The following PTPRH variants were observed in gnomAD, a reference collection of about 807,000 sequenced individuals.
The protein encoded by PTPRH is receptor-type tyrosine-protein phosphatase H.
Under a neutral mutation model 130.2 loss-of-function variants are expected in PTPRH, and 113 were observed. That is an observed-to-expected ratio of 0.87 (90% CI 0.75 to 1.01). The LOEUF (loss-of-function observed/expected upper bound fraction) is 1.01, where lower values mean the gene tolerates loss of function less well. Among genes scored for constraint, PTPRH ranks in the 50% least tolerant of loss-of-function variants. The pLI is 0.00. For missense variants in PTPRH, 1,430 were observed against 1,425.0 expected (o/e 1.00, Z -0.06); for synonymous variants, 556 against 577.9 (o/e 0.96, Z 0.54).
At chr19:55,204,172 T>G (rs531327940) in intron 4 of PTPRH, 124 bp from the exon 5 acceptor site, 2 of 1,112,594 alleles carry the variant, frequency 1.8e-6, no homozygotes, top group South Asian at 3.3e-5. Flanking sequence ...CAGGCTGGAG[T>G]GCAGTGGCAC....
intron 5 of PTPRH, 42 bp downstream of exon 5, chr19:55,203,740 C>A (rs756993637): frequency 1.9e-6 from 3 of 1,568,430 alleles, no homozygotes; most frequent in Admixed American, 3.5e-5. Context: ...CTACCACTGT[C>A]CTTATAAAAG....
At position 55,191,749 on chromosome 19, in the gene PTPRH, G is replaced by A; in HGVS notation, c.2258-8C>T. ...AGGCTCCGGCAATGACCCCTGTGGG[G>A]AGGAGGCATCGGGAACCCTCAGAGC... On this transcript the variant is annotated splice_region_variant and splice_polypyrimidine_tract_variant and intron_variant, in intron 10 of 19. Transcript: ENST00000376350. 1 of 1,612,116 alleles carries A rather than the reference G, an allele frequency of 6.2e-7. No individual in the cohort carries two copies. The highest frequency in any genetic ancestry group is 8.5e-7 in the Non-Finnish European group (1 of 1,178,318).
intron 1 of PTPRH, among the ~76,000 whole-genome samples, chr19:55,207,776 A>G (rs35330719): frequency 9.3e-5 from 2 of 21,610 alleles, no homozygotes; most frequent in Non-Finnish European, 1.5e-4. Flanking sequence ...TGGACTCCTG[A>G]GTCTGAGGGA....
chr19:55,192,915 A>C (rs2086583613), intron 10 of PTPRH, among the ~76,000 whole-genome samples: 1 of 151,482 alleles, frequency 6.6e-6, no homozygotes, highest in South Asian at 2.1e-4. Flanking sequence ...CATCATTTTC[A>C]CAGGTGACCT....
rs1183346888 is a variant in PTPRH, at chr19:55,191,513, T to A, written c.2372A>T (p.Asp791Val). 1 of 1,614,150 alleles carries A rather than the reference T, an allele frequency of 6.2e-7. No homozygotes were observed. The highest frequency in any genetic ancestry group is 1.7e-5 in the Admixed American group (1 of 60,022). The change falls in exon 12 of 20, where the codon GAT (aspartate) becomes GTT (valine). Residue 791 changes from aspartate (D) to valine (V), a missense_variant. Coordinates refer to ENST00000376350, the MANE Select transcript of PTPRH (RefSeq NM_002842.5). ...ACCTTCTGCTCACCTAAAGACCAGA[T>A]CCCTGAGTTCTGGTTTCTGCTGCTT... is the stretch of plus-strand genomic sequence containing the variant. ...KKKQQKPELR[D>V]LVFSSPGDIP... is the part of the protein sequence containing the mutation.
chr19:55,187,369 GA>G (rs796449875), intron 14 of PTPRH, 143 bp downstream of exon 14: 9,195 of 244,994 alleles, frequency 0.038, 14 homozygotes, highest in Middle Eastern at 0.048. Context: ...AAGAAAAAAA[GA>G]AAAAAAAAAA....
At position 55,187,310 on chromosome 19, in the gene PTPRH, A is replaced by G. The variant is rs1263475598; in HGVS notation, c.2566+203T>C. 5.9e-5 allele frequency among the ~76,000 whole-genome samples: 7 copies of G among 119,414 alleles called. No homozygotes were observed. The East Asian group carries it at 7.3e-4, about 12-fold the overall frequency. 78.3% of individuals were successfully genotyped at this position (119,414 alleles called of 152,430 possible). ...CAGTGAGCCGAGATCGCGCCACTGC[A>G]CTCCAGCCTGGGTGACAGAGCGAGA... On this transcript the variant is annotated intron_variant, in intron 14 of 19. Coordinates refer to ENST00000376350, the MANE Select transcript of PTPRH (RefSeq NM_002842.5).
intron 10 of PTPRH, chr19:55,193,904 A>C: frequency 4.3e-6 from 1 of 233,800 alleles, no homozygotes; most frequent in Non-Finnish European, 8.7e-6. Context: ...GCCGGAGTGC[A>C]ATGGTGCAAT....
chr19:55,186,199 C>G, intron 16 of PTPRH, 26 bp downstream of exon 16: 1 of 1,597,594 alleles, frequency 6.3e-7, no homozygotes. Context: ...TGCACCCAGT[C>G]AGCACCCAGG....
chr19:55,209,086 C>T lies in PTPRH; in HGVS notation c.51+297G>A, dbSNP rs2087161331. On this transcript the variant is annotated intron_variant, in intron 1 of 19. Transcript: ENST00000376350. This position sits in a 1 kb window ranked among gnomAD's most constrained non-coding sequence, Gnocchi z 4.1. ...TGTGTGTTGCCTGAAGCCAGTGTCCCCCGCAGCAGACACGACAGTGTCTAA... is the reference window on the plus strand; with the variant it reads ...TGTGTGTTGCCTGAAGCCAGTGTCCTCCGCAGCAGACACGACAGTGTCTAA... Among the ~76,000 whole-genome samples, 1 of 151,984 alleles carries T rather than the reference C, an allele frequency of 6.6e-6. No homozygotes were observed. The highest frequency in any genetic ancestry group is 1.5e-5 in the Non-Finnish European group (1 of 67,950).
At position 55,182,089 on chromosome 19, in the gene PTPRH, G is replaced by A. The variant is rs758951449; in HGVS notation, c.3125C>T (p.Ser1042Phe). 17 of 1,614,040 alleles carry A rather than the reference G, an allele frequency of 1.1e-5. No homozygotes were observed. Among genetic ancestry groups the A allele is most frequent in the Middle Eastern group, 1.6e-4 (1 of 6,084 alleles). Residue 1042 changes from serine to phenylalanine, a missense_variant, in exon 19 of 20, where the codon TCC (serine) becomes TTC (phenylalanine). Ser to Phe is a radical substitution (Grantham distance 155). Transcript: ENST00000376350. ...GCTGAAGGGCCCAAGGAGACCCTCG[G>A]ACTGCAGCTGCCGGAGCAGGACGTC... ...ALDVLLRQLQ[S>F]EGLLGPFSFV...
Position 55,202,219 on chromosome 19 carries a change from G to T in PTPRH, c.990C>A (p.Tyr330Ter), listed in dbSNP as rs771110471. The T allele has an allele frequency of 1.9e-6, 3 of 1,614,166 alleles. No individual in the cohort carries two copies. In the Admixed American group the frequency reaches 5.0e-5, roughly 27 times the overall value. The change falls in exon 6 of 20, where the codon TAC (tyrosine) becomes TAA (stop). Residue 330 changes from tyrosine to a stop codon, truncating the protein, a stop_gained. Transcript: ENST00000376350. LOFTEE classifies it high-confidence loss of function. ...CACCATCTCCAGTGTACTCAACCCC[G>T]TAGGTGGAGTTCTGTGGGTCTGGGC... ...PDGPDPQNST[Y>*]GVEYTGDGGR... is the part of the protein sequence containing the mutation.
chr19:55,190,933 C>T (rs1189611549), intron 12 of PTPRH, among the ~76,000 whole-genome samples: 1 of 152,104 alleles, frequency 6.6e-6, no homozygotes, highest in East Asian at 1.9e-4. Flanking sequence ...GCTCTACCTC[C>T]CAGGTTCACG....
intron 7 of PTPRH, among the ~76,000 whole-genome samples, chr19:55,199,660 A>T (rs2086793300): frequency 6.6e-6 from 1 of 150,686 alleles, no homozygotes; most frequent in Non-Finnish European, 1.5e-5. Flanking sequence ...AGGAAGGAAA[A>T]GAAAGAAAGA....
chr19:55,198,730 G>C lies in PTPRH; in HGVS notation c.1603C>G (p.Leu535Val). 1.2e-6 allele frequency: 2 copies of C among 1,614,022 alleles called. No individual in the cohort carries two copies. Among genetic ancestry groups the C allele is most frequent in the East Asian group, 4.5e-5 (2 of 44,888 alleles). ...TSGTDITLKE[L>V]EAGSLYHLTV... Reference sequence around the variant, plus strand: ...AGGTGGTACAGGCTGCCAGCTTCCAGTTCCTTTAGGGTGATGTCAGTACCT... The same window carrying C: ...AGGTGGTACAGGCTGCCAGCTTCCACTTCCTTTAGGGTGATGTCAGTACCT... The change falls in exon 8 of 20, where the codon CTG becomes GTG. Residue 535 changes from leucine to valine, a missense_variant. Transcript: ENST00000376350.
intron 10 of PTPRH, 44 bp downstream of exon 10, chr19:55,196,478 C>G (rs200496759): frequency 1.9e-6 from 3 of 1,580,980 alleles, no homozygotes; most frequent in Admixed American, 3.5e-5. Flanking sequence ...TGGGGTCTAC[C>G]GAGAATTTCA....
At chr19:55,204,985 C>T (rs1223932418) in intron 4 of PTPRH, among the ~76,000 whole-genome samples, 3 of 152,152 alleles carry the variant, frequency 2.0e-5, no homozygotes, top group Admixed American at 6.5e-5. Flanking sequence ...TGTGACGCAG[C>T]TGGGGACTAG....
intron 10 of PTPRH, among the ~76,000 whole-genome samples, chr19:55,192,530 C>G (rs1018788683): frequency 2.0e-5 from 3 of 151,862 alleles, no homozygotes; most frequent in Non-Finnish European, 2.9e-5. Context: ...TTGGGGGAGT[C>G]AAAAGTTATG....
chr19:55,187,168 AC>A (rs1207965487), intron 14 of PTPRH, among the ~76,000 whole-genome samples: 1 of 149,350 alleles, frequency 6.7e-6, no homozygotes, highest in Non-Finnish European at 1.5e-5. Flanking sequence ...ACACGGTGAA[AC>A]CCTGTCTCTA....
Sources: allele counts gnomAD v4.1 joint callset (sites outside exome capture counted in the v4.1 genomes callset), GRCh38; gene constraint gnomAD v4.1.1; non-coding constraint Gnocchi (gnomAD v3.1); transcripts MANE v1.5; gene names NCBI Gene and HGNC (gene_info 2026-07-23, HGNC 2026-07-21).